TFIP11: variants seen among roughly 807,000 people sequenced by gnomAD.
The protein encoded by TFIP11 is tuftelin interacting protein 11, also known as tuftelin-interacting protein 11.
A neutral mutation model predicts 96.8 loss-of-function variants in TFIP11; 86 were observed. That is an observed-to-expected ratio of 0.89 (90% CI 0.75 to 1.06). TFIP11 has a LOEUF of 1.06. TFIP11 is among the 50% of genes least tolerant of loss of function. TFIP11 has a pLI of 0.00. For missense variants in TFIP11, 881 were observed against 1,076.7 expected, an observed-to-expected ratio of 0.82 and a Z score of 2.54; for synonymous variants, 405 against 395.2, an observed-to-expected ratio of 1.02 and a Z score of -0.29.
rs765698746 is a variant in TFIP11 at position 26,499,184 on chromosome 22, T to G, written c.1249A>C (p.Met417Leu). 1 of 1,612,616 alleles carries G rather than the reference T, an allele frequency of 6.2e-7. No individual in the cohort carries two copies. Among genetic ancestry groups the G allele is most frequent in the East Asian group, 2.2e-5 (1 of 44,858 alleles). Residue 417 changes from methionine to leucine, a missense_variant, in exon 9 of 15, where the codon ATG becomes CTG. Physicochemically the swap from Met to Leu is conservative, Grantham distance 15. Transcript: ENST00000407690. Reference sequence around the variant, plus strand: ...ACAGCAAGGTCCACACGGTCGGACATCCTGTACTCCTCATAGTACTTGTCC... The same window carrying G: ...ACAGCAAGGTCCACACGGTCGGACAGCCTGTACTCCTCATAGTACTTGTCC... ...LQDKYYEEYR[M>L]SDRVDLAVAI...
rs775641346 is a variant in TFIP11 at position 26,491,678 on chromosome 22, T to C, written c.*335A>G. 5.6e-6 allele frequency: 9 copies of C among 1,606,840 alleles called. No individual in the cohort carries two copies. Among genetic ancestry groups the C allele is most frequent in the South Asian group, 5.5e-5 (5 of 91,044 alleles). On this transcript the variant is annotated 3_prime_UTR_variant, in exon 15 of 15. Transcript: ENST00000407690. ...ATCCTTCTGCTACTGACTGAACTCGTTGTGAGGTACTCAGTGTTGGCTGAG... is the reference window on the plus strand; with the variant it reads ...ATCCTTCTGCTACTGACTGAACTCGCTGTGAGGTACTCAGTGTTGGCTGAG...
intron 2 of TFIP11, among the ~76,000 whole-genome samples, chr22:26,511,503 G>A (rs1296121481): frequency 6.6e-6 from 1 of 152,170 alleles, no homozygotes; most frequent in African/African-American, 2.4e-5. Context: ...ATTATTATGG[G>A]ACTAGGGAGT....
chr22:26,498,182 G>C (rs998433373), intron 10 of TFIP11, among the ~76,000 whole-genome samples: 1 of 152,204 alleles, frequency 6.6e-6, no homozygotes, highest in Non-Finnish European at 1.5e-5. Flanking sequence ...AGGATGCAAA[G>C]GCATAAGAAT....
chr22:26,509,212 G>GC (rs1241437136), intron 4 of TFIP11, among the ~76,000 whole-genome samples: 3 of 151,978 alleles, frequency 2.0e-5, no homozygotes, highest in African/African-American at 7.3e-5. Context: ...CTCTGCTCCA[G>GC]CCCCCAAGCC....
rs1923869439 is a variant in TFIP11, at chr22:26,510,105, C to T, written c.168G>A (p.Glu56=). 1.2e-6 allele frequency: 2 copies of T among 1,614,080 alleles called. No homozygotes were observed. Among genetic ancestry groups the T allele is most frequent in the East Asian group, 4.5e-5 (2 of 44,880 alleles). The part of the protein sequence containing the change: ...KEEATYGVWA[E]RDSDDERPSF... Reference sequence around the variant, plus strand: ...TGGGCCTCTCATCATCCGAGTCTCGCTCTGCCCACACCCCGTAGGTGGCTT... The same window carrying T: ...TGGGCCTCTCATCATCCGAGTCTCGTTCTGCCCACACCCCGTAGGTGGCTT... Residue 56 remains glutamate (E), a synonymous_variant, in exon 4 of 15, where the codon GAG becomes GAA. Coordinates refer to ENST00000407690, the MANE Select transcript of TFIP11 (RefSeq NM_012143.4).
chr22:26,491,487 G>C lies in TFIP11; in HGVS notation c.*526C>G, dbSNP rs745438122. The C allele has an allele frequency of 1.9e-6, 3 of 1,613,432 alleles. No homozygotes were observed. Among genetic ancestry groups the C allele is most frequent in the Non-Finnish European group, 2.5e-6 (3 of 1,179,962 alleles). Reference sequence around the variant, plus strand: ...GATTTTAAAAGGACTGGAGGAGCTTGAGTTTCCTCAGACTTCACAATACAT... The same window carrying C: ...GATTTTAAAAGGACTGGAGGAGCTTCAGTTTCCTCAGACTTCACAATACAT... On this transcript the variant is annotated 3_prime_UTR_variant, in exon 15 of 15. Coordinates refer to ENST00000407690, the MANE Select transcript of TFIP11 (RefSeq NM_012143.4).
intron 6 of TFIP11, among the ~76,000 whole-genome samples, chr22:26,505,194 T>C (rs1333495574): frequency 6.6e-6 from 1 of 152,092 alleles, no homozygotes; most frequent in Admixed American, 6.6e-5. Flanking sequence ...GAGGGGGAAA[T>C]GTTCCTGTAG....
intron 10 of TFIP11, among the ~76,000 whole-genome samples, chr22:26,497,748 C>T (rs1452691895): frequency 3.3e-5 from 5 of 151,966 alleles, no homozygotes; most frequent in African/African-American, 1.2e-4. Context: ...TGGTGGCGAG[C>T]GCCTGTAGTC....
In TFIP11 at chr22:26,499,421, T is replaced by G. The variant is rs182723168; in HGVS notation, c.1012A>C (p.Asn338His). 174 of 1,614,110 alleles carry G rather than the reference T, an allele frequency of 1.1e-4. No homozygotes were observed. Among genetic ancestry groups the G allele is most frequent in the Non-Finnish European group, 1.4e-4 (166 of 1,179,984 alleles). Reference protein sequence around the residue: ...IDLTEQEIIQNDRQLQYERDM... With the variant: ...IDLTEQEIIQHDRQLQYERDM... Reference sequence around the variant, plus strand: ...CGCTCATACTGTAGCTGCCGGTCATTCTGGATGATCTCCTGCTCCGTGAGG... The same window carrying G: ...CGCTCATACTGTAGCTGCCGGTCATGCTGGATGATCTCCTGCTCCGTGAGG... Residue 338 changes from asparagine (N) to histidine (H), a missense_variant, in exon 9 of 15, where the codon AAT becomes CAT. By Grantham distance (68) the Asn-to-His change is moderately conservative (BLOSUM62 1). Coordinates refer to ENST00000407690, the MANE Select transcript of TFIP11 (RefSeq NM_012143.4).
intron 6 of TFIP11, among the ~76,000 whole-genome samples, chr22:26,505,619 G>A (rs1484787758): frequency 6.6e-6 from 1 of 152,000 alleles, no homozygotes; most frequent in African/African-American, 2.4e-5. Flanking sequence ...ACTACTGCCA[G>A]GCAAAATCTA....
In TFIP11 at chr22:26,491,631, A is replaced by C; in HGVS notation, c.*382T>G. On this transcript the variant is annotated 3_prime_UTR_variant, in exon 15 of 15. Transcript: ENST00000407690. ...TTATCAGGACTGTGAGGACCTTGAAATCATCAGGAACAAGAGAGAAGATCC... is the reference window on the plus strand; with the variant it reads ...TTATCAGGACTGTGAGGACCTTGAACTCATCAGGAACAAGAGAGAAGATCC... 6.2e-7 allele frequency: 1 copy of C among 1,613,684 alleles called. No homozygotes were observed. Among genetic ancestry groups the C allele is most frequent in the Non-Finnish European group, 8.5e-7 (1 of 1,180,044 alleles).
chr22:26,508,531 A>G (rs567742611), intron 4 of TFIP11, among the ~76,000 whole-genome samples: 1 of 152,240 alleles, frequency 6.6e-6, no homozygotes, highest in African/African-American at 2.4e-5. Flanking sequence ...ACTAATCTCT[A>G]TACTCTTTCT....
intron 8 of TFIP11, 92 bp downstream of exon 8, chr22:26,501,807 AG>A (rs1922825764): frequency 4.9e-4 from 262 of 539,162 alleles, no homozygotes; most frequent in South Asian, 2.4e-3. Context: ...AAAAAAAAAA[AG>A]CCTAGCTAAA....
intron 12 of TFIP11, 114 bp downstream of exon 12, chr22:26,495,959 G>A (rs1431578529): frequency 1.4e-6 from 2 of 1,424,896 alleles, no homozygotes; most frequent in Non-Finnish European, 1.9e-6. Context: ...AAGGAATATT[G>A]TGTACTAAGC....
At position 26,496,210 on chromosome 22, in the gene TFIP11, C is replaced by A; in HGVS notation, c.1712G>T (p.Arg571Leu). The A allele has an allele frequency of 1.2e-6, 2 of 1,613,928 alleles. No homozygotes were observed. Among genetic ancestry groups the A allele is most frequent in the East Asian group, 2.2e-5 (1 of 44,874 alleles). Reference sequence around the variant, plus strand: ...CTGCAGGGCGCTGGACAGCTTACTACGGATGGGGGAATAGAGTGGCTCCAG... The same window carrying A: ...CTGCAGGGCGCTGGACAGCTTACTAAGGATGGGGGAATAGAGTGGCTCCAG... ...ARLEPLYSPIRSKLSSALQKW... is the reference protein window; with the variant it reads ...ARLEPLYSPILSKLSSALQKW... The change falls in exon 12 of 15, where the codon CGT becomes CTT. Residue 571 changes from arginine (R) to leucine (L), a missense_variant. Arg to Leu is a moderately radical substitution (Grantham distance 102). Transcript: ENST00000407690.
chr22:26,498,303 T>C (rs1922316600), intron 10 of TFIP11, among the ~76,000 whole-genome samples: 1 of 152,066 alleles, frequency 6.6e-6, no homozygotes, highest in African/African-American at 2.4e-5. Flanking sequence ...AGCATTTTTT[T>C]GGAGGCCAAG....
In TFIP11 at chr22:26,498,969, T is replaced by C. The variant is rs778455199; in HGVS notation, c.1336A>G (p.Thr446Ala). The change falls in exon 10 of 15, where the codon ACT (threonine) becomes GCT (alanine). Residue 446 changes from threonine to alanine, a missense_variant. Coordinates refer to ENST00000407690, the MANE Select transcript of TFIP11 (RefSeq NM_012143.4). ...TTAGAGATGATCTCGGTGCCATAAG[T>C]GCAGTCCTGAGGAGAAAGGTGAGCA... ...FKEWDPLKDC[T>A]YGTEIISKWK... is the part of the protein sequence containing the mutation. 1 of 1,613,918 alleles carries C rather than the reference T, an allele frequency of 6.2e-7. No homozygotes were observed. Among genetic ancestry groups the C allele is most frequent in the South Asian group, 1.1e-5 (1 of 91,066 alleles).
At position 26,491,693 on chromosome 22, in the gene TFIP11, T is replaced by C; in HGVS notation, c.*320A>G. On this transcript the variant is annotated 3_prime_UTR_variant, in exon 15 of 15. Coordinates refer to ENST00000407690, the MANE Select transcript of TFIP11 (RefSeq NM_012143.4). ...ACTGAACTCGTTGTGAGGTACTCAG[T>C]GTTGGCTGAGGTAGAAGCTGCCACC... 3.1e-6 allele frequency: 5 copies of C among 1,600,026 alleles called. No homozygotes were observed. Among genetic ancestry groups the C allele is most frequent in the Non-Finnish European group, 4.3e-6 (5 of 1,175,648 alleles).
intron 4 of TFIP11, 62 bp downstream of exon 4, chr22:26,510,002 C>T: frequency 1.3e-6 from 2 of 1,565,508 alleles, no homozygotes; most frequent in Non-Finnish European, 8.8e-7. Context: ...CTCCTCCACT[C>T]CCTGTCCATC....
Sources: allele counts gnomAD v4.1 joint callset (sites outside exome capture counted in the v4.1 genomes callset), GRCh38; gene constraint gnomAD v4.1.1; transcripts MANE v1.5; gene names NCBI Gene and HGNC (gene_info 2026-07-23, HGNC 2026-07-21).